Variants in RSPO2 observed in about 807,000 individuals in gnomAD.
RSPO2 encodes the protein R-spondin 2, also known as R-spondin-2.
A neutral mutation model predicts 30.9 loss-of-function variants in RSPO2; 14 were observed. The ratio of observed to expected loss-of-function variants is 0.45; its 90% CI spans 0.30 to 0.71. The LOEUF is 0.71. RSPO2 is among the 30% of genes least tolerant of loss of function. The pLI is 0.08. For synonymous variants in RSPO2, 107 were observed against 96.4 expected (o/e 1.11, Z -0.64); for missense variants, 264 against 301.9 (o/e 0.87, Z 0.93).
intron 5 of RSPO2, among the ~76,000 whole-genome samples, chr8:107,930,596 T>C (rs1254583995): frequency 6.6e-6 from 1 of 152,202 alleles, no homozygotes; most frequent in East Asian, 1.9e-4. Context: ...AACCACAAAG[T>C]TGAATAACAC....
chr8:107,940,796 G>T (rs1440576533), intron 5 of RSPO2, among the ~76,000 whole-genome samples: 1 of 152,042 alleles, frequency 6.6e-6, no homozygotes, highest in Non-Finnish European at 1.5e-5. Flanking sequence ...ACCAATAGAT[G>T]AATAAGGAAA....
intron 5 of RSPO2, among the ~76,000 whole-genome samples, chr8:107,911,778 T>C (rs1811835683): frequency 2.0e-5 from 3 of 152,258 alleles, no homozygotes; most frequent in Middle Eastern, 6.8e-3. Flanking sequence ...ATCTGGCAGA[T>C]TCTAAAACCT....
chr8:108,073,163 C>T (rs1006363838), intron 2 of RSPO2: 1 of 152,172 alleles, frequency 6.6e-6, no homozygotes, highest in Non-Finnish European at 1.5e-5. Flanking sequence ...CTCAGTAAGA[C>T]TGAAAGTTCT....
intron 2 of RSPO2, among the ~76,000 whole-genome samples, chr8:108,033,431 A>C (rs140232808): frequency 6.6e-6 from 1 of 152,240 alleles, no homozygotes; most frequent in East Asian, 1.9e-4. Context: ...CCTCTAAGCC[A>C]CTGATCTTCT....
intron 3 of RSPO2, among the ~76,000 whole-genome samples, chr8:107,986,693 A>G (rs1814649056): frequency 6.6e-6 from 1 of 152,146 alleles, no homozygotes; most frequent in Non-Finnish European, 1.5e-5. Context: ...TATTGTCCAT[A>G]TAAGTACATA....
At chr8:107,955,294 CA>C (rs1180663921) in intron 5 of RSPO2, among the ~76,000 whole-genome samples, 2 of 152,098 alleles carry the variant, frequency 1.3e-5, no homozygotes, top group African/African-American at 2.4e-5. Context: ...CCTAAATCCT[CA>C]ATTTTACACA....
chr8:108,012,358 T>C (rs1042558870), intron 2 of RSPO2, among the ~76,000 whole-genome samples: 2 of 152,204 alleles, frequency 1.3e-5, no homozygotes, highest in Non-Finnish European at 2.9e-5. Flanking sequence ...TACTGGTGAA[T>C]CCAAATCTGC....
At chr8:108,069,778 T>C (rs1296610165) in intron 2 of RSPO2, among the ~76,000 whole-genome samples, 1 of 152,204 alleles carries the variant, frequency 6.6e-6, no homozygotes, top group Non-Finnish European at 1.5e-5. Context: ...CATCAATCCA[T>C]TACTCACCAC....
chr8:107,918,771 C>T lies in RSPO2; in HGVS notation c.617-17581G>A, dbSNP rs1220349086. Among the ~76,000 whole-genome samples the T allele has an allele frequency of 2.0e-5, 3 of 152,076 alleles. 1 individual carries two copies. The highest frequency in any genetic ancestry group is 2.0e-4 in the Admixed American group (3 of 15,272). On this transcript the variant is annotated intron_variant, in intron 5 of 5. Transcript: ENST00000276659. Reference sequence around the variant, plus strand: ...TTTATGCACATAATCAGGCCAAGTACAATAAGACTATAGTTTATTTTTTAA... The same window carrying T: ...TTTATGCACATAATCAGGCCAAGTATAATAAGACTATAGTTTATTTTTTAA...
intron 5 of RSPO2, among the ~76,000 whole-genome samples, chr8:107,923,758 G>A (rs1047680504): frequency 9.3e-5 from 11 of 118,368 alleles, no homozygotes; most frequent in Middle Eastern, 7.1e-3. Context: ...ACAAGAGCAT[G>A]TCCTTTGCAA....
At chr8:107,934,333 A>C (rs1177295820) in intron 5 of RSPO2, among the ~76,000 whole-genome samples, 1 of 152,102 alleles carries the variant, frequency 6.6e-6, no homozygotes, top group Admixed American at 6.6e-5. Context: ...CCTTAAAAAA[A>C]ACCAGACTCA....
At chr8:107,978,122 T>C (rs1814279923) in intron 3 of RSPO2, among the ~76,000 whole-genome samples, 1 of 152,152 alleles carries the variant, frequency 6.6e-6, no homozygotes, top group Admixed American at 6.5e-5. Context: ...CCAGTATTTA[T>C]ACAATTCTTA....
intron 2 of RSPO2, among the ~76,000 whole-genome samples, chr8:108,025,058 TA>T (rs1348203807): frequency 6.6e-6 from 1 of 152,010 alleles, no homozygotes; most frequent in African/African-American, 2.4e-5. Flanking sequence ...AAAAATGGAA[TA>T]AAAGCAGAAA....
intron 2 of RSPO2, among the ~76,000 whole-genome samples, chr8:108,035,893 G>T (rs575974849): frequency 4.6e-5 from 7 of 152,136 alleles, no homozygotes; most frequent in Non-Finnish European, 1.0e-4. Context: ...CCATTTTCAG[G>T]TTTGGGAACC....
chr8:108,010,577 C>T (rs1360819027), intron 2 of RSPO2, among the ~76,000 whole-genome samples: 1 of 152,136 alleles, frequency 6.6e-6, no homozygotes, highest in Non-Finnish European at 1.5e-5. Flanking sequence ...GACAACTTCA[C>T]AGTCAGGACA....
chr8:107,963,096 T>C (rs1813682574), intron 3 of RSPO2, among the ~76,000 whole-genome samples: 3 of 152,146 alleles, frequency 2.0e-5, no homozygotes, highest in Admixed American at 6.5e-5. Context: ...TAAATCATGT[T>C]GGATGAAAGC....
intron 5 of RSPO2, among the ~76,000 whole-genome samples, chr8:107,913,887 C>G (rs1811898738): frequency 6.6e-6 from 1 of 152,094 alleles, no homozygotes; most frequent in Non-Finnish European, 1.5e-5. Flanking sequence ...CAACAAGTAT[C>G]TGTAATAAGT....
intron 2 of RSPO2, among the ~76,000 whole-genome samples, chr8:108,020,043 T>TA (rs754248925): frequency 6.7e-6 from 1 of 149,666 alleles, no homozygotes; most frequent in South Asian, 2.1e-4. Flanking sequence ...GAATGTGGTG[T>TA]ATGCCAGTTG....
intron 5 of RSPO2, among the ~76,000 whole-genome samples, chr8:107,928,842 T>G (rs764513726): frequency 6.6e-6 from 1 of 152,212 alleles, no homozygotes; most frequent in South Asian, 2.1e-4. Context: ...TTAGTCCGGT[T>G]CATGGCGTAT....
Sources: allele counts gnomAD v4.1 joint callset (sites outside exome capture counted in the v4.1 genomes callset), GRCh38; gene constraint gnomAD v4.1.1; transcripts MANE v1.5; gene names NCBI Gene and HGNC (gene_info 2026-07-23, HGNC 2026-07-21).